Variants in GRIA1 observed in about 807,000 individuals in gnomAD.
GRIA1 encodes glutamate receptor 1.
In GRIA1, 31 loss-of-function variants were observed where a neutral mutation model predicts 99.2. The observed-to-expected ratio is 0.31, with a 90% CI of 0.23 to 0.42. GRIA1 has a LOEUF of 0.42. Among genes scored for constraint, GRIA1 ranks in the 10% least tolerant of loss-of-function variants. GRIA1 has a pLI of 1.00. For missense variants in GRIA1, 782 were observed against 1,157.5 expected (o/e 0.68, Z 4.71); for synonymous variants, 438 against 432.4 (o/e 1.01, Z -0.16).
intron 2 of GRIA1, among the ~76,000 whole-genome samples, chr5:153,591,104 A>G (rs1763934657): frequency 6.6e-6 from 1 of 152,204 alleles, no homozygotes; most frequent in Non-Finnish European, 1.5e-5. Context: ...TTTCAGAATG[A>G]ATCTGAAGAG....
At chr5:153,718,906 A>G (rs1295350213) in intron 11 of GRIA1, among the ~76,000 whole-genome samples, 1 of 152,190 alleles carries the variant, frequency 6.6e-6, no homozygotes, top group South Asian at 2.1e-4. Flanking sequence ...AGCATCACTC[A>G]TCCCATCCCA....
intron 11 of GRIA1, among the ~76,000 whole-genome samples, chr5:153,738,800 G>A (rs1480343147): frequency 1.4e-5 from 2 of 140,190 alleles, no homozygotes; most frequent in East Asian, 2.4e-4. Context: ...TCGGCTCACC[G>A]CAACCTCCGC....
intron 12 of GRIA1, 138 bp from the exon 13 acceptor site, chr5:153,770,030 A>G (rs1581627185): frequency 9.9e-6 from 8 of 807,170 alleles, no homozygotes; most frequent in East Asian, 9.8e-5. Flanking sequence ...TTATTTTGCA[A>G]TCACTCATAA....
chr5:153,701,619 C>CAAAAAAAAAAAAAAAAAAAAAAA lies in GRIA1; in HGVS notation c.1452+2547_1452+2569dup, dbSNP rs70978504. 4.0e-3 allele frequency among the ~76,000 whole-genome samples: 157 copies of CAAAAAAAAAAAAAAAAAAAAAAA among 39,398 alleles called. 33 individuals carry two copies. The highest frequency in any genetic ancestry group is 7.4e-3 in the East Asian group (4 of 540). The allele number at this position is 39,398 out of a possible 152,430, so 25.8% of individuals were successfully genotyped here. A position where few individuals can be genotyped will look rare whatever the true frequency, so the allele number is the denominator to read the frequency against. On this transcript the variant is annotated intron_variant, in intron 10 of 15. Transcript: ENST00000285900. Reference sequence around the variant, plus strand: ...CTGGGCGACAAAGCGAGACCCGTCTCAAAAAAAAAAAAAAAAAAAAAAATA... The same window carrying CAAAAAAAAAAAAAAAAAAAAAAA: ...CTGGGCGACAAAGCGAGACCCGTCTCAAAAAAAAAAAAAAAAAAAAAAAAAAAAAAAAAAAAAAAAAAAAAATA...
chr5:153,800,632 G>T (rs1765949257), intron 14 of GRIA1, among the ~76,000 whole-genome samples: 1 of 152,162 alleles, frequency 6.6e-6, no homozygotes, highest in Admixed American at 6.5e-5. Context: ...CCACCAAGGG[G>T]GCATGCTTTA....
intron 11 of GRIA1, among the ~76,000 whole-genome samples, chr5:153,760,528 G>T (rs768945021): frequency 4.6e-5 from 7 of 151,926 alleles, no homozygotes; most frequent in Non-Finnish European, 1.0e-4. Flanking sequence ...AATTTAAGAG[G>T]ACACAAGCAA....
In GRIA1 at chr5:153,652,846, T is replaced by C. The variant is rs77462828; in HGVS notation, c.645+2332T>C. Among the ~76,000 whole-genome samples the C allele has an allele frequency of 6.6e-3, 1,000 of 152,290 alleles. 11 individuals are homozygous for C. The highest frequency in any genetic ancestry group is 0.022 in the African/African-American group (910 of 41,566). On this transcript the variant is annotated intron_variant, in intron 4 of 15. Coordinates refer to ENST00000285900, the MANE Select transcript of GRIA1 (RefSeq NM_000827.4). ...AAATAATGAATGACAGTAATGAGCC[T>C]ACAACTTATATCTCTGACTTACAAT...
chr5:153,492,284 C>T (rs2113174948), intron 1 of GRIA1: 1 of 1,535,480 alleles, frequency 6.5e-7, no homozygotes, highest in Non-Finnish European at 8.7e-7. Context: ...TGTTTCCTGA[C>T]ACCTGTTAAG....
intron 11 of GRIA1, among the ~76,000 whole-genome samples, chr5:153,716,141 G>A (rs955192001): frequency 1.3e-5 from 2 of 152,212 alleles, no homozygotes; most frequent in Non-Finnish European, 2.9e-5. Flanking sequence ...TACCTACTAT[G>A]TGTCAGGCAC....
chr5:153,504,467 T>A (rs923937859), intron 2 of GRIA1, among the ~76,000 whole-genome samples: 1 of 151,920 alleles, frequency 6.6e-6, no homozygotes, highest in Non-Finnish European at 1.5e-5. Context: ...TATATAGATG[T>A]CCCCCATTGC....
At chr5:153,611,877 C>T (rs1402684705) in intron 2 of GRIA1, among the ~76,000 whole-genome samples, 1 of 152,242 alleles carries the variant, frequency 6.6e-6, no homozygotes, top group African/African-American at 2.4e-5. Context: ...CTTGAGCTTG[C>T]AGCTCCTCTG....
At chr5:153,623,221 GA>G (rs564138765) in intron 2 of GRIA1, among the ~76,000 whole-genome samples, 2,857 of 150,906 alleles carry the variant, frequency 0.019, 29 homozygotes, top group Non-Finnish European at 0.03. Flanking sequence ...GGCTCAATTG[GA>G]AAAAAAAATG....
At chr5:153,557,000 T>TATTCA (rs1394852679) in intron 2 of GRIA1, among the ~76,000 whole-genome samples, 2 of 152,200 alleles carry the variant, frequency 1.3e-5, no homozygotes, top group African/African-American at 4.8e-5. Context: ...CTGAGGCAAG[T>TATTCA]GTAACACAAT....
intron 2 of GRIA1, among the ~76,000 whole-genome samples, chr5:153,641,371 T>C (rs1004411927): frequency 6.6e-6 from 1 of 152,154 alleles, no homozygotes; most frequent in Non-Finnish European, 1.5e-5. Flanking sequence ...GGGAGATTTA[T>C]TGATACTAAG....
chr5:153,769,946 T>C (rs1376319837), intron 12 of GRIA1, among the ~76,000 whole-genome samples: 2 of 152,210 alleles, frequency 1.3e-5, no homozygotes, highest in Non-Finnish European at 2.9e-5. Context: ...AATTAAAAGA[T>C]CTGAGCTATT....
At chr5:153,668,092 T>C (rs1159961641) in intron 5 of GRIA1, among the ~76,000 whole-genome samples, 2 of 152,162 alleles carry the variant, frequency 1.3e-5, no homozygotes, top group Non-Finnish European at 2.9e-5. Flanking sequence ...CTTAAGCCAC[T>C]ATTCCCCTCT....
At chr5:153,668,967 A>G (rs4277964) in intron 5 of GRIA1, among the ~76,000 whole-genome samples, 9,512 of 152,306 alleles carry the variant, frequency 0.062, 311 homozygotes, top group Middle Eastern at 0.13. Flanking sequence ...GCAGTAGAAC[A>G]CATTTGTGAA....
At chr5:153,747,844 T>C (rs2149585424) in intron 11 of GRIA1, among the ~76,000 whole-genome samples, 1 of 152,370 alleles carries the variant, frequency 6.6e-6, no homozygotes, top group African/African-American at 2.4e-5. Context: ...TGCTGTTCAC[T>C]GCAGCACAAC....
At chr5:153,643,442 G>C (rs966352830) in intron 2 of GRIA1, among the ~76,000 whole-genome samples, 1 of 152,140 alleles carries the variant, frequency 6.6e-6, no homozygotes, top group African/African-American at 2.4e-5. Flanking sequence ...AATATTGGTT[G>C]TGACAGATTC....
Sources: gnomAD v4.1 joint callset for allele counts (sites outside exome capture counted in the v4.1 genomes callset) on GRCh38, gnomAD v4.1.1 for gene constraint, MANE v1.5 for transcripts, NCBI Gene and HGNC (gene_info 2026-07-23, HGNC 2026-07-21) for gene names.